Variants in ERP44 observed in about 807,000 individuals in gnomAD.
ERP44 encodes endoplasmic reticulum resident protein 44.
A neutral mutation model predicts 53.4 loss-of-function variants in ERP44; 25 were observed. The observed-to-expected ratio is 0.47, with a 90% CI of 0.34 to 0.65. ERP44 has a LOEUF of 0.65. Ranked by LOEUF, ERP44 falls within the 30% of genes least tolerant of loss-of-function variation. The pLI is 0.01. For synonymous variants in ERP44, 145 were observed against 161.2 expected (o/e 0.90, Z 0.76); for missense variants, 338 against 493.2 (o/e 0.69, Z 2.98).
intron 4 of ERP44, among the ~76,000 whole-genome samples, chr9:100,050,199 C>CA (rs1826021217): frequency 6.6e-6 from 1 of 151,986 alleles, no homozygotes; most frequent in African/African-American, 2.4e-5. Context: ...CAGAGGGGCA[C>CA]AAGGAAAATT....
chr9:100,067,162 C>G (rs1427947543), intron 1 of ERP44, among the ~76,000 whole-genome samples: 13 of 152,016 alleles, frequency 8.6e-5, no homozygotes, highest in African/African-American at 2.4e-4. Context: ...TCTCGCTCTC[C>G]CTCTCGCTCT....
At chr9:100,068,566 G>A (rs1338570174) in intron 1 of ERP44, among the ~76,000 whole-genome samples, 2 of 145,590 alleles carry the variant, frequency 1.4e-5, no homozygotes, top group Admixed American at 6.7e-5. Context: ...GGGGAGGGAG[G>A]TGGGGGGGTC....
chr9:100,031,666 A>T (rs1825791771), intron 4 of ERP44, among the ~76,000 whole-genome samples: 1 of 152,216 alleles, frequency 6.6e-6, no homozygotes, highest in African/African-American at 2.4e-5. Context: ...GTCAGATAAT[A>T]AGAAATTTAA....
intron 7 of ERP44, among the ~76,000 whole-genome samples, chr9:100,017,672 T>G (rs1279606396): frequency 6.6e-6 from 1 of 152,232 alleles, no homozygotes; most frequent in Non-Finnish European, 1.5e-5. Flanking sequence ...TTTCAATTTT[T>G]TTTGGTATGT....
intron 1 of ERP44, among the ~76,000 whole-genome samples, chr9:100,096,836 TTA>T (rs950819275): frequency 4.6e-5 from 7 of 152,024 alleles, no homozygotes; most frequent in Non-Finnish European, 8.8e-5. Flanking sequence ...AGAGGACAAA[TTA>T]TTAGACAGCG....
intron 4 of ERP44, among the ~76,000 whole-genome samples, chr9:100,026,866 TA>T (rs1250453410): frequency 5.3e-5 from 8 of 152,188 alleles, no homozygotes; most frequent in South Asian, 2.1e-4. Context: ...GAAACTAGTC[TA>T]ATACAAAACA....
intron 4 of ERP44, among the ~76,000 whole-genome samples, chr9:100,050,357 T>C (rs900079305): frequency 3.9e-5 from 6 of 152,208 alleles, no homozygotes; most frequent in African/African-American, 1.4e-4. Context: ...AAAACTGCTT[T>C]AGGATTGAAC....
At chr9:100,046,360 A>G (rs146063393) in intron 4 of ERP44, among the ~76,000 whole-genome samples, 1 of 152,214 alleles carries the variant, frequency 6.6e-6, no homozygotes, top group Non-Finnish European at 1.5e-5. Flanking sequence ...GAGGGATAAA[A>G]TCCAAATAAA....
chr9:100,032,915 T>C (rs989391758), intron 4 of ERP44, among the ~76,000 whole-genome samples: 2 of 152,224 alleles, frequency 1.3e-5, no homozygotes, highest in Non-Finnish European at 2.9e-5. Flanking sequence ...ATTAACCACA[T>C]GGACCTAACT....
chr9:100,037,446 T>A (rs1424303577), intron 4 of ERP44, among the ~76,000 whole-genome samples: 1 of 152,126 alleles, frequency 6.6e-6, no homozygotes, highest in Non-Finnish European at 1.5e-5. Context: ...GTCTTAGGGC[T>A]GAACTGGACT....
In ERP44 at chr9:100,052,493, T is replaced by G. The variant is rs781713604; in HGVS notation, c.210A>C (p.Glu70Asp). ...ATTCTTCCTTAATGACATCGGAAGC[T>G]TCCTCAAAAATTGGATGCAACATCT... ...FSQMLHPIFE[E>D]ASDVIKEEFP... is the part of the protein sequence containing the mutation. The change falls in exon 4 of 12, where the codon GAA (glutamate) becomes GAC (aspartate). Residue 70 changes from glutamate to aspartate, a missense_variant. Physicochemically the swap from Glu to Asp is conservative, Grantham distance 45. Coordinates refer to ENST00000262455, the MANE Select transcript of ERP44 (RefSeq NM_015051.3). 2 of 1,612,856 alleles carry G rather than the reference T, an allele frequency of 1.2e-6. No individual in the cohort carries two copies. The highest frequency in any genetic ancestry group is 8.5e-7 in the Non-Finnish European group (1 of 1,179,398).
chr9:100,077,947 TCCACCAGGAAAAAAAACACAA>T (rs749086460), intron 1 of ERP44, among the ~76,000 whole-genome samples: 30 of 151,888 alleles, frequency 2.0e-4, no homozygotes, highest in Non-Finnish European at 4.3e-4. Flanking sequence ...TTTGGGTCAC[TCCACCAGGAAAAAAAACACAA>T]CCACCAGGAA....
intron 8 of ERP44, among the ~76,000 whole-genome samples, chr9:100,007,962 T>A (rs1195600357): frequency 3.3e-5 from 5 of 152,204 alleles, no homozygotes; most frequent in Non-Finnish European, 7.3e-5. Context: ...TTAGCCAGTA[T>A]GGGATATGAG....
In ERP44 at chr9:100,006,452, G is replaced by A. The variant is rs1830426464; in HGVS notation, c.1016+54C>T. 15 of 1,306,046 alleles carry A rather than the reference G, an allele frequency of 1.1e-5. No homozygotes were observed. In the South Asian group the frequency reaches 1.6e-4, roughly 14 times the overall value. 80.9% of individuals were successfully genotyped at this position (1,306,046 alleles called of 1,614,324 possible). ...TAAAATATTCAAACAACTATTTTCA[G>A]TTCATTTTTGAAAAACATATCAGTA... On this transcript the variant is annotated intron_variant, in intron 10 of 11. Coordinates refer to ENST00000262455, the MANE Select transcript of ERP44 (RefSeq NM_015051.3).
Position 100,027,914 on chromosome 9 carries a change from C to A in ERP44, c.287-5688G>T, listed in dbSNP as rs568303849. On this transcript the variant is annotated intron_variant, in intron 4 of 11. Transcript: ENST00000262455. Reference sequence around the variant, plus strand: ...GCACCCCTCAAAACAAACAAAAAAACCCCAAAAAGACAAACATCCCCAAAA... The same window carrying A: ...GCACCCCTCAAAACAAACAAAAAAAACCCAAAAAGACAAACATCCCCAAAA... Among the ~76,000 whole-genome samples, 9 of 152,192 alleles carry A rather than the reference C, an allele frequency of 5.9e-5. No individual in the cohort carries two copies. The South Asian group carries it at 6.2e-4, about 11-fold the overall frequency.
At chr9:100,060,272 A>G in intron 1 of ERP44, 100 bp from the exon 2 acceptor site, 1 of 1,189,464 alleles carries the variant, frequency 8.4e-7, no homozygotes, top group Non-Finnish European at 1.1e-6. Context: ...CTTGTTCCTT[A>G]GAAAATTATA....
At chr9:100,025,001 G>A (rs576238472) in intron 4 of ERP44, among the ~76,000 whole-genome samples, 105 of 152,264 alleles carry the variant, frequency 6.9e-4, no homozygotes, top group African/African-American at 2.5e-3. Flanking sequence ...AGTGACACAT[G>A]CCCATAGCCC....
chr9:100,098,943 G>C lies in ERP44; in HGVS notation c.-103C>G. The C allele has an allele frequency of 1.1e-6, 1 of 904,002 alleles. No homozygotes were observed. The allele number at this position is 904,002 out of a possible 1,614,324, so 56.0% of individuals were successfully genotyped here. Reference sequence around the variant, plus strand: ...TGGGCTCCGGGAGCCGACGGCAGCGGAGGATTCTCCAGGCAGCGGCACCTC... The same window carrying C: ...TGGGCTCCGGGAGCCGACGGCAGCGCAGGATTCTCCAGGCAGCGGCACCTC... On this transcript the variant is annotated 5_prime_UTR_variant, in exon 1 of 12. Coordinates refer to ENST00000262455, the MANE Select transcript of ERP44 (RefSeq NM_015051.3).
chr9:100,097,562 C>CA (rs1826653756), intron 1 of ERP44, among the ~76,000 whole-genome samples: 1 of 152,168 alleles, frequency 6.6e-6, no homozygotes, highest in South Asian at 2.1e-4. Context: ...AGAAGTCATT[C>CA]ACTGTTGTAT....
Sources: allele counts gnomAD v4.1 joint callset (sites outside exome capture counted in the v4.1 genomes callset), GRCh38; gene constraint gnomAD v4.1.1; transcripts MANE v1.5; gene names NCBI Gene and HGNC (gene_info 2026-07-23, HGNC 2026-07-21).